Variants in MAP3K3 observed in about 807,000 individuals in gnomAD.
MAP3K3 encodes the protein MAP/ERK kinase kinase 3.
In MAP3K3, 12 loss-of-function variants were observed where a neutral mutation model predicts 80.9. The observed-to-expected ratio is 0.15, with a 90% CI of 0.10 to 0.24. The LOEUF (loss-of-function observed/expected upper bound fraction) is 0.24, where lower values mean the gene tolerates loss of function less well. Ranked by LOEUF, MAP3K3 falls within the 10% of genes least tolerant of loss-of-function variation. The probability of loss-of-function intolerance (pLI) is 1.00; values close to 1 mark genes in which losing one functional copy is unlikely to be tolerated. For missense variants in MAP3K3, 596 were observed against 834.7 expected, an observed-to-expected ratio of 0.71 and a Z score of 3.52; for synonymous variants, 272 against 307.1, an observed-to-expected ratio of 0.89 and a Z score of 1.19.
chr17:63,667,132 GTTAA>G (rs1458312419), intron 6 of MAP3K3, 72 bp downstream of exon 6: 17 of 1,440,494 alleles, frequency 1.2e-5, no homozygotes, highest in Admixed American at 9.9e-5. Context: ...ACAAGTATTT[GTTAA>G]TTAAATAATC....
At chr17:63,685,827 C>T (rs1487208764) in intron 8 of MAP3K3, among the ~76,000 whole-genome samples, 1 of 152,210 alleles carries the variant, frequency 6.6e-6, no homozygotes, top group Non-Finnish European at 1.5e-5. Flanking sequence ...GTTCTAAGTG[C>T]TTTACATGTT....
intron 4 of MAP3K3, among the ~76,000 whole-genome samples, chr17:63,653,438 TGAG>T (rs2034699299): frequency 6.6e-6 from 1 of 152,264 alleles, no homozygotes; most frequent in Non-Finnish European, 1.5e-5. Flanking sequence ...TTTTATTTGA[TGAG>T]GAGTTAAAAT....
chr17:63,655,149 A>C (rs2034740696), intron 4 of MAP3K3, among the ~76,000 whole-genome samples: 1 of 152,204 alleles, frequency 6.6e-6, no homozygotes, highest in African/African-American at 2.4e-5. Flanking sequence ...TCATGATGGA[A>C]GGGAAAGCAA....
At chr17:63,626,631 C>T (rs778715197) in intron 1 of MAP3K3, among the ~76,000 whole-genome samples, 12 of 152,170 alleles carry the variant, frequency 7.9e-5, no homozygotes, top group Non-Finnish European at 1.5e-4. Flanking sequence ...ATAAAAGTTT[C>T]TTATGAATTG....
intron 3 of MAP3K3, among the ~76,000 whole-genome samples, chr17:63,648,786 G>A (rs2034591043): frequency 6.6e-6 from 1 of 152,140 alleles, no homozygotes; most frequent in African/African-American, 2.4e-5. Context: ...CTGCACTCCA[G>A]CCTGGGGGAC....
intron 5 of MAP3K3, among the ~76,000 whole-genome samples, chr17:63,661,995 C>T (rs1277368056): frequency 6.6e-6 from 1 of 151,986 alleles, no homozygotes. Context: ...CCCAGCTACT[C>T]GGGAGGCTGA....
chr17:63,668,065 A>C (rs572087184), intron 6 of MAP3K3: 1 of 152,042 alleles, frequency 6.6e-6, no homozygotes, highest in East Asian at 1.9e-4. Flanking sequence ...GTCTTATCAA[A>C]CATCGTGTTG....
At chr17:63,686,684 G>A (rs962447047) in intron 8 of MAP3K3, among the ~76,000 whole-genome samples, 3 of 152,196 alleles carry the variant, frequency 2.0e-5, no homozygotes, top group African/African-American at 2.4e-5. Context: ...CTTGTGTAAG[G>A]GAAAGGGCCA....
Position 63,691,680 on chromosome 17 carries a change from C to T in MAP3K3, c.1345-53C>T. The T allele has an allele frequency of 6.3e-7, 1 of 1,588,860 alleles. No homozygotes were observed. Among genetic ancestry groups the T allele is most frequent in the East Asian group, 2.3e-5 (1 of 44,364 alleles). On this transcript the variant is annotated intron_variant, in intron 13 of 15. Transcript: ENST00000361733. This position sits in a 1 kb window ranked among gnomAD's most constrained non-coding sequence, Gnocchi z 4.8. Reference sequence around the variant, plus strand: ...ATGCTGGGGGCTGGAATGGGCTTGCCCCTCCACCAGCCCTCCCCTGAGGGG... The same window carrying T: ...ATGCTGGGGGCTGGAATGGGCTTGCTCCTCCACCAGCCCTCCCCTGAGGGG...
chr17:63,649,430 T>C (rs1259556609), intron 3 of MAP3K3, among the ~76,000 whole-genome samples: 3 of 114,802 alleles, frequency 2.6e-5, no homozygotes, highest in Admixed American at 8.3e-5. Context: ...AGACTCCATC[T>C]CAAAAAAAAA....
intron 6 of MAP3K3, among the ~76,000 whole-genome samples, chr17:63,679,309 T>C (rs1213880093): frequency 1.3e-5 from 2 of 152,166 alleles, no homozygotes; most frequent in Non-Finnish European, 2.9e-5. Context: ...AGTGGGAGTC[T>C]CTCTGGCTCA....
chr17:63,640,437 A>G (rs573555686), intron 2 of MAP3K3, among the ~76,000 whole-genome samples: 2 of 152,256 alleles, frequency 1.3e-5, no homozygotes, highest in South Asian at 4.1e-4. Context: ...TGATTTTTGC[A>G]GGTCCATAAT....
intron 6 of MAP3K3, among the ~76,000 whole-genome samples, chr17:63,674,276 G>C (rs981525370): frequency 1.3e-5 from 2 of 151,990 alleles, no homozygotes; most frequent in Non-Finnish European, 2.9e-5. Context: ...TAGTGAAATG[G>C]TGGACCTGCC....
intron 7 of MAP3K3, 34 bp from the exon 8 acceptor site, chr17:63,685,483 G>A (rs1226234183): frequency 6.4e-7 from 1 of 1,567,470 alleles, no homozygotes; most frequent in Non-Finnish European, 8.8e-7. Context: ...ATTGGGGCTG[G>A]GGGTGTGGCT....
At chr17:63,644,970 C>T (rs1017349851) in intron 2 of MAP3K3, among the ~76,000 whole-genome samples, 1 of 152,142 alleles carries the variant, frequency 6.6e-6, no homozygotes, top group Non-Finnish European at 1.5e-5. Flanking sequence ...TCTCTCCTTT[C>T]CCTGTCATTT....
At chr17:63,684,216 C>T (rs950864827) in intron 7 of MAP3K3, among the ~76,000 whole-genome samples, 4 of 152,138 alleles carry the variant, frequency 2.6e-5, no homozygotes, top group African/African-American at 4.8e-5. Flanking sequence ...CCATAAAGAA[C>T]GTCATTTTTT....
chr17:63,672,216 G>C (rs1598103045), intron 6 of MAP3K3, among the ~76,000 whole-genome samples: 1 of 151,022 alleles, frequency 6.6e-6, no homozygotes, highest in East Asian at 1.9e-4. Context: ...CCGGGAGGCG[G>C]AGGTTGCAGT....
intron 2 of MAP3K3, among the ~76,000 whole-genome samples, chr17:63,637,375 C>G (rs1381233578): frequency 2.6e-5 from 4 of 152,104 alleles, no homozygotes; most frequent in Non-Finnish European, 4.4e-5. Context: ...GAAGTAAATC[C>G]AAGCCTTCTG....
At chr17:63,646,452 A>G (rs1364933146) in intron 3 of MAP3K3, among the ~76,000 whole-genome samples, 1 of 152,206 alleles carries the variant, frequency 6.6e-6, no homozygotes, top group African/African-American at 2.4e-5. Context: ...ATATGGTGCC[A>G]TTACTATTCC....
Sources: allele counts gnomAD v4.1 joint callset (sites outside exome capture counted in the v4.1 genomes callset), GRCh38; gene constraint gnomAD v4.1.1; non-coding constraint Gnocchi (gnomAD v3.1); transcripts MANE v1.5; gene names NCBI Gene and HGNC (gene_info 2026-07-23, HGNC 2026-07-21).